CSMD1: variants seen among roughly 807,000 people sequenced by gnomAD.
CSMD1 encodes the protein CUB and Sushi multiple domains 1.
CSMD1 carries 213 observed loss-of-function variants against 417.5 expected under a neutral mutation model. That is an observed-to-expected ratio of 0.51 (90% CI 0.46 to 0.57). The LOEUF is 0.57. Among genes scored for constraint, CSMD1 ranks in the 20% least tolerant of loss-of-function variants. CSMD1 has a pLI of 0.00. For synonymous variants in CSMD1, 2,862 were observed against 1,736.8 expected, an observed-to-expected ratio of 1.65 and a Z score of -16.11; for missense variants, 6,923 against 4,529.7, an observed-to-expected ratio of 1.53 and a Z score of -15.17.
chr8:2,982,435 G>C (rs1241347513), intron 54 of CSMD1, among the ~76,000 whole-genome samples: 4 of 152,194 alleles, frequency 2.6e-5, no homozygotes, highest in African/African-American at 7.2e-5. Context: ...ACTTTCTTGA[G>C]GATCATGGAG....
At chr8:3,409,084 G>C (rs755883219) in intron 13 of CSMD1, among the ~76,000 whole-genome samples, 5 of 152,156 alleles carry the variant, frequency 3.3e-5, no homozygotes, top group Non-Finnish European at 7.3e-5. Flanking sequence ...GCATTATTAA[G>C]TCACAAAGGA....
chr8:3,068,788 T>A (rs1040442692), intron 49 of CSMD1, among the ~76,000 whole-genome samples: 4 of 152,060 alleles, frequency 2.6e-5, no homozygotes, highest in African/African-American at 9.7e-5. Context: ...TCGTGAGGGA[T>A]CCACCCCCAT....
intron 3 of CSMD1, among the ~76,000 whole-genome samples, chr8:4,161,900 G>C (rs574902900): frequency 6.6e-6 from 1 of 152,186 alleles, no homozygotes; most frequent in African/African-American, 2.4e-5. Flanking sequence ...AGTAAGTCAA[G>C]ACTTCATCAG....
At chr8:3,460,088 A>T (rs913618121) in intron 12 of CSMD1, among the ~76,000 whole-genome samples, 18 of 152,106 alleles carry the variant, frequency 1.2e-4, no homozygotes, top group African/African-American at 4.1e-4. Flanking sequence ...GTCTCCTGGG[A>T]AGAAAGGCAA....
chr8:4,279,768 C>A (rs534188079), intron 3 of CSMD1, among the ~76,000 whole-genome samples: 1 of 152,114 alleles, frequency 6.6e-6, no homozygotes, highest in African/African-American at 2.4e-5. Context: ...TAAAACTCTA[C>A]GTAAGATATG....
intron 26 of CSMD1, among the ~76,000 whole-genome samples, chr8:3,242,832 G>C (rs1799633331): frequency 6.6e-6 from 1 of 151,412 alleles, no homozygotes; most frequent in South Asian, 2.1e-4. Flanking sequence ...TTGGGGCGCA[G>C]ATATAAGAGG....
At chr8:4,717,394 C>T (rs1180010407) in intron 1 of CSMD1, among the ~76,000 whole-genome samples, 1 of 95,652 alleles carries the variant, frequency 1.0e-5, no homozygotes, top group Admixed American at 9.0e-5. Flanking sequence ...CATATACATA[C>T]ATATATACAT....
chr8:4,084,125 G>C (rs912100961), intron 3 of CSMD1, among the ~76,000 whole-genome samples: 3 of 152,098 alleles, frequency 2.0e-5, no homozygotes, highest in Non-Finnish European at 2.9e-5. Context: ...CAATATGTCT[G>C]CTCTTATGAC....
chr8:3,893,253 T>A lies in CSMD1; in HGVS notation c.818+104650A>T, dbSNP rs553190557. Reference sequence around the variant, plus strand: ...ACATTTTTTCTTCTTCTTATATTTGTAATATTTTAGCCTATAAAACAAGTA... The same window carrying A: ...ACATTTTTTCTTCTTCTTATATTTGAAATATTTTAGCCTATAAAACAAGTA... On this transcript the variant is annotated intron_variant, in intron 5 of 69. Coordinates refer to ENST00000635120, the MANE Select transcript of CSMD1 (RefSeq NM_033225.6). Among the ~76,000 whole-genome samples the A allele has an allele frequency of 2.4e-3, 355 of 149,454 alleles. 1 individual carries two copies. The highest frequency in any genetic ancestry group is 8.2e-3 in the African/African-American group (335 of 41,000).
At chr8:4,134,256 T>A (rs948910594) in intron 3 of CSMD1, among the ~76,000 whole-genome samples, 1 of 152,206 alleles carries the variant, frequency 6.6e-6, no homozygotes, top group African/African-American at 2.4e-5. Flanking sequence ...ATATATTAAA[T>A]GCCATTGCCA....
chr8:4,822,367 A>T (rs1161467785), intron 1 of CSMD1, among the ~76,000 whole-genome samples: 1 of 152,106 alleles, frequency 6.6e-6, no homozygotes, highest in Non-Finnish European at 1.5e-5. Flanking sequence ...AAATGTGTTC[A>T]TTGCTTTATT....
At chr8:3,755,289 C>A (rs1344215934) in intron 5 of CSMD1, among the ~76,000 whole-genome samples, 10 of 152,076 alleles carry the variant, frequency 6.6e-5, no homozygotes, top group Non-Finnish European at 1.5e-4. Flanking sequence ...CCTCTGTTAC[C>A]CATTGTATAA....
chr8:3,008,184 C>T (rs556003035), intron 52 of CSMD1, among the ~76,000 whole-genome samples: 116 of 152,246 alleles, frequency 7.6e-4, no homozygotes, highest in Non-Finnish European at 1.4e-3. Flanking sequence ...AGGAAGAAGG[C>T]TCGAGAGGGA....
intron 1 of CSMD1, among the ~76,000 whole-genome samples, chr8:4,701,532 TGGTG>T (rs1563172777): frequency 6.6e-6 from 1 of 151,936 alleles, no homozygotes; most frequent in Admixed American, 6.6e-5. Flanking sequence ...GAAGCATCAA[TGGTG>T]GGCATGGGAG....
chr8:4,026,701 T>C (rs1797081717), intron 4 of CSMD1, among the ~76,000 whole-genome samples: 1 of 152,194 alleles, frequency 6.6e-6, no homozygotes, highest in African/African-American at 2.4e-5. Context: ...ACAAATGCTA[T>C]CTGAGAGATC....
chr8:2,958,165 G>C (rs1803156229), intron 62 of CSMD1, among the ~76,000 whole-genome samples: 2 of 151,778 alleles, frequency 1.3e-5, no homozygotes, highest in African/African-American at 4.8e-5. Flanking sequence ...GTATTTATTA[G>C]AAAATTACTT....
chr8:3,268,289 A>AT (rs1163842745), intron 26 of CSMD1, among the ~76,000 whole-genome samples: 3,503 of 84,020 alleles, frequency 0.042, 172 homozygotes, highest in African/African-American at 0.068. Flanking sequence ...TTCATTTCCT[A>AT]TTTTTTTTTT....
chr8:3,539,629 G>A (rs565773419), intron 10 of CSMD1, among the ~76,000 whole-genome samples: 11 of 152,008 alleles, frequency 7.2e-5, no homozygotes, highest in East Asian at 1.9e-4. Context: ...TCCCAGCAAG[G>A]CTCCCTCCCC....
rs141325871 is a variant in CSMD1 at position 3,623,802 on chromosome 8, C to G, written c.1010-7005G>C. On this transcript the variant is annotated intron_variant, in intron 7 of 69. Transcript: ENST00000635120. ...ACTAGACTGAACAACATGGAGAAACCCTGTCTCTACTAAAAATTAAAAAAA... is the reference window on the plus strand; with the variant it reads ...ACTAGACTGAACAACATGGAGAAACGCTGTCTCTACTAAAAATTAAAAAAA... Among the ~76,000 whole-genome samples the G allele has an allele frequency of 7.0e-3, 1,069 of 151,980 alleles. 14 individuals are homozygous for G. The highest frequency in any genetic ancestry group is 0.024 in the African/African-American group (1,003 of 41,446).
Sources: allele counts gnomAD v4.1 joint callset (sites outside exome capture counted in the v4.1 genomes callset), GRCh38; gene constraint gnomAD v4.1.1; transcripts MANE v1.5; gene names NCBI Gene and HGNC (gene_info 2026-07-23, HGNC 2026-07-21).